The following WASHC2A variants were observed in gnomAD, a reference collection of about 807,000 sequenced individuals.
The protein encoded by WASHC2A is WASH complex subunit 2A, also known as WASH complex subunit FAM21A.
WASHC2A carries 82 observed loss-of-function variants against 140.3 expected under a neutral mutation model. The ratio of observed to expected loss-of-function variants is 0.58; its 90% CI spans 0.49 to 0.70. The LOEUF is 0.70. WASHC2A is among the 30% of genes least tolerant of loss of function. WASHC2A has a pLI of 0.00. For synonymous variants in WASHC2A, 340 were observed against 560.8 expected (o/e 0.61, Z 5.56); for missense variants, 985 against 1,521.8 (o/e 0.65, Z 5.87).
At chr10:50,070,972 C>A (rs1308910014) in intron 3 of WASHC2A, among the ~76,000 whole-genome samples, 1 of 88,842 alleles carries the variant, frequency 1.1e-5, no homozygotes, top group African/African-American at 3.5e-5. Context: ...GCGGAGGTTG[C>A]GGTGAGCCGA....
chr10:50,087,451 T>C, intron 8 of WASHC2A, 129 bp downstream of exon 8: 1 of 1,286,154 alleles, frequency 7.8e-7, no homozygotes, highest in East Asian at 2.4e-5. Context: ...TATTTTCCTT[T>C]AAGCATTTCA....
At chr10:50,102,960 G>C (rs868936131) in intron 17 of WASHC2A, among the ~76,000 whole-genome samples, 3,098 of 151,580 alleles carry the variant, frequency 0.02, 99 homozygotes, top group African/African-American at 0.071. Flanking sequence ...TCTGCCTTCC[G>C]GGTTCAAGCA....
intron 8 of WASHC2A, among the ~76,000 whole-genome samples, chr10:50,090,501 T>TAAAAA (rs1554882355): frequency 2.2e-5 from 1 of 45,046 alleles, no homozygotes; most frequent in Non-Finnish European, 4.4e-5. Flanking sequence ...AGACTCCATC[T>TAAAAA]CAAAAAAAAA....
rs1203897992 is a variant in WASHC2A, at chr10:50,098,187, A to G, written c.1548+385A>G. Among the ~76,000 whole-genome samples the G allele has an allele frequency of 2.4e-4, 37 of 152,222 alleles. No homozygotes were observed. The South Asian group carries it at 2.7e-3, about 11-fold the overall frequency. On this transcript the variant is annotated intron_variant, in intron 16 of 30. Transcript: ENST00000282633. ...CAATGCCATTATCAACAGCTGTGAG[A>G]CTAACAGTAATTCTATAGTAGAATC...
intron 19 of WASHC2A, among the ~76,000 whole-genome samples, chr10:50,107,370 CAGTT>C (rs1841882539): frequency 1.4e-5 from 2 of 143,116 alleles, no homozygotes; most frequent in African/African-American, 2.6e-5. Flanking sequence ...ACTACCAAAT[CAGTT>C]AGTTTAGTTG....
intron 2 of WASHC2A, among the ~76,000 whole-genome samples, chr10:50,069,341 G>T (rs1837582766): frequency 6.6e-6 from 1 of 151,618 alleles, no homozygotes. Flanking sequence ...CAGGAGAATC[G>T]CTTGAACGCG....
chr10:50,110,886 C>T (rs1183357900), intron 20 of WASHC2A, among the ~76,000 whole-genome samples: 11 of 121,468 alleles, frequency 9.1e-5, no homozygotes, highest in Non-Finnish European at 1.0e-4. Context: ...GAGCAAGACT[C>T]CATCTCAAAA....
intron 17 of WASHC2A, among the ~76,000 whole-genome samples, chr10:50,102,061 C>G (rs1206687978): frequency 6.6e-6 from 1 of 152,200 alleles, no homozygotes; most frequent in East Asian, 1.9e-4. Flanking sequence ...AATGGCCCAT[C>G]CAGGTTTATG....
intron 8 of WASHC2A, among the ~76,000 whole-genome samples, chr10:50,090,377 C>G (rs1190375784): frequency 6.7e-6 from 1 of 150,094 alleles, no homozygotes; most frequent in Non-Finnish European, 1.5e-5. Context: ...GTGGTGCATG[C>G]GTGTAATCCC....
At chr10:50,099,290 G>C (rs186802922) in intron 16 of WASHC2A, among the ~76,000 whole-genome samples, 119 of 137,630 alleles carry the variant, frequency 8.6e-4, no homozygotes, top group Non-Finnish European at 1.5e-3. Context: ...TTTTTTATGA[G>C]ACAGGGTCTT....
Position 50,130,027 on chromosome 10 carries a change from A to G in WASHC2A, c.3696A>G (p.Gln1232=), listed in dbSNP as rs1462719729. 6.2e-7 allele frequency: 1 copy of G among 1,611,762 alleles called. No homozygotes were observed. The highest frequency in any genetic ancestry group is 8.5e-7 in the Non-Finnish European group (1 of 1,179,822). ...AGCAGGATGTCATATTAACAACACA[A>G]GATATTTTTGAGGTAATAGGACTTA... The part of the protein sequence containing the change: ...NSQQDVILTT[Q]DIFEDDIFAT... Residue 1232 remains glutamine, a synonymous_variant, in exon 29 of 31, where the codon CAA becomes CAG. Transcript: ENST00000282633.
In WASHC2A at chr10:50,087,293, GC is replaced by G. The variant is rs1322294364; in HGVS notation, c.706del (p.His236IlefsTer14). ...CACAAAGGAGTCAGATGAAGATTTT[GC>G]CCATCATAGTGACAATGAACAAAAC... ...KEEEESDEDF[A>X]HHSDNEQNRH... On this transcript the variant is annotated frameshift_variant, in exon 8 of 31. Transcript: ENST00000282633. LOFTEE classifies it high-confidence loss of function. 2 of 1,613,920 alleles carry G rather than the reference GC, an allele frequency of 1.2e-6. No homozygotes were observed. The highest frequency in any genetic ancestry group is 3.3e-5 in the Admixed American group (2 of 60,004).
intron 3 of WASHC2A, among the ~76,000 whole-genome samples, chr10:50,071,532 C>A (rs1837815216): frequency 6.6e-6 from 1 of 151,946 alleles, no homozygotes; most frequent in Non-Finnish European, 1.5e-5. Context: ...ATCTCGATCT[C>A]CTGACCTCGT....
chr10:50,090,185 CTTG>C (rs1469663462), intron 8 of WASHC2A, among the ~76,000 whole-genome samples: 1 of 151,432 alleles, frequency 6.6e-6, no homozygotes, highest in Non-Finnish European at 1.5e-5. Context: ...TTTTTATATT[CTTG>C]TTGTTACATT....
In WASHC2A at chr10:50,112,582, T is replaced by A. The variant is rs546373699; in HGVS notation, c.2040-1313T>A. On this transcript the variant is annotated intron_variant, in intron 20 of 30. Transcript: ENST00000282633. ...GTATAAAGAGAAATGAAATTAGTTG[T>A]TCATATAAAAACTTGTACATGAGTG... Among the ~76,000 whole-genome samples, 85 of 107,898 alleles carry A rather than the reference T, an allele frequency of 7.9e-4. 11 individuals are homozygous for A. Among genetic ancestry groups the A allele is most frequent in the African/African-American group, 2.6e-3 (79 of 30,168 alleles). The allele number at this position is 107,898 out of a possible 152,430, so 70.8% of individuals were successfully genotyped here.
chr10:50,113,514 C>T (rs1270289456), intron 20 of WASHC2A, among the ~76,000 whole-genome samples: 19 of 152,168 alleles, frequency 1.2e-4, no homozygotes, highest in Middle Eastern at 6.8e-3. Context: ...TGGCAACCGT[C>T]TTCATGACAA....
chr10:50,072,550 A>G (rs1258164178), intron 3 of WASHC2A, among the ~76,000 whole-genome samples: 3 of 124,670 alleles, frequency 2.4e-5, no homozygotes, highest in Admixed American at 1.1e-4. Context: ...GCAGTGGTGC[A>G]ATCTCAGCCC....
chr10:50,129,392 T>A, intron 28 of WASHC2A, 27 bp from the exon 29 acceptor site: 2 of 1,612,044 alleles, frequency 1.2e-6, no homozygotes, highest in African/African-American at 1.3e-5. Context: ...TATCGTCAGA[T>A]CAATGTGTGT....
chr10:50,127,457 T>C (rs1843533171), intron 27 of WASHC2A, 126 bp from the exon 28 acceptor site: 1 of 1,607,806 alleles, frequency 6.2e-7, no homozygotes, highest in Non-Finnish European at 8.5e-7. Flanking sequence ...ATCGGGCGAT[T>C]TTCCTACGTT....
Sources: allele counts gnomAD v4.1 joint callset (sites outside exome capture counted in the v4.1 genomes callset), GRCh38; gene constraint gnomAD v4.1.1; transcripts MANE v1.5; gene names NCBI Gene and HGNC (gene_info 2026-07-23, HGNC 2026-07-21).